The following HGFAC variants were observed in gnomAD, a reference collection of about 807,000 sequenced individuals.
HGFAC encodes HGF activator.
A neutral mutation model predicts 70.6 loss-of-function variants in HGFAC; 76 were observed. That is an observed-to-expected ratio of 1.08 (90% CI 0.89 to 1.30). HGFAC has a LOEUF of 1.30. HGFAC is among the 50% of genes most tolerant of loss of function. HGFAC has a pLI of 0.00. For missense variants in HGFAC, 1,044 were observed against 933.7 expected, an observed-to-expected ratio of 1.12 and a Z score of -1.54; for synonymous variants, 464 against 405.3, an observed-to-expected ratio of 1.14 and a Z score of -1.74.
rs773163201 is a variant in HGFAC, at chr4:3,444,848, G to C, written c.871G>C (p.Gly291Arg). The part of the protein sequence containing the change: ...EPDERCFLGN[G>R]TGYRGVASTS... Reference sequence around the variant, plus strand: ...TGATGAGCGCTGCTTCTTGGGGAACGGCACTGGGTACCGTGGCGTGGCCAG... The same window carrying C: ...TGATGAGCGCTGCTTCTTGGGGAACCGCACTGGGTACCGTGGCGTGGCCAG... Residue 291 changes from glycine (G) to arginine (R), a missense_variant, in exon 8 of 14, where the codon GGC becomes CGC. Physicochemically the swap from Gly to Arg is moderately radical, Grantham distance 125. Transcript: ENST00000382774. 3.4e-5 allele frequency: 55 copies of C among 1,601,570 alleles called. 1 individual carries two copies. The South Asian group carries it at 6.2e-4, about 18-fold the overall frequency.
intron 11 of HGFAC, 124 bp from the exon 12 acceptor site, chr4:3,447,771 T>C: frequency 6.6e-7 from 1 of 1,523,248 alleles, no homozygotes; most frequent in Non-Finnish European, 9.0e-7. Context: ...AGGGCACCGC[T>C]CCCTTCTGGA....
At position 3,445,050 on chromosome 4, in the gene HGFAC, G is replaced by A. The variant is rs1725454482; in HGVS notation, c.1016+57G>A. The stretch of plus-strand genomic sequence containing the variant: ...GCGGGGCAGGCAGGATTTGTCCTGG[G>A]GAGAGGCCCCCCGGCTCCCTAGGAC... On this transcript the variant is annotated intron_variant, in intron 8 of 13. Coordinates refer to ENST00000382774, the MANE Select transcript of HGFAC (RefSeq NM_001528.4). The A allele has an allele frequency of 9.5e-6, 14 of 1,481,140 alleles. No individual in the cohort carries two copies. The South Asian group carries it at 1.9e-4, about 20-fold the overall frequency. The allele number at this position is 1,481,140 out of a possible 1,614,324, so 91.7% of individuals were successfully genotyped here. A position where few individuals can be genotyped will look rare whatever the true frequency, so the allele number is the denominator to read the frequency against.
In HGFAC at chr4:3,448,172, CT is replaced by C. The variant is rs1213691866; in HGVS notation, c.1682del (p.Leu561ArgfsTer111). 3.1e-6 allele frequency: 5 copies of C among 1,601,222 alleles called. No homozygotes were observed. The highest frequency in any genetic ancestry group is 4.3e-6 in the Non-Finnish European group (5 of 1,175,326). ...SSSLREALVP[L>X]VADHKCSSPE... ...CTCCCTGCGGGAGGCCCTGGTCCCC[CT>C]GGTCGCCGACCACAAGTGCAGCAGC... On this transcript the variant is annotated frameshift_variant, in exon 13 of 14. Coordinates refer to ENST00000382774, the MANE Select transcript of HGFAC (RefSeq NM_001528.4). LOFTEE classifies it high-confidence loss of function.
At position 3,449,312 on chromosome 4, in the gene HGFAC, G is replaced by T; in HGVS notation, c.1861G>T (p.Gly621Cys). 6.2e-7 allele frequency: 1 copy of T among 1,612,280 alleles called. No individual in the cohort carries two copies. Among genetic ancestry groups the T allele is most frequent in the Non-Finnish European group, 8.5e-7 (1 of 1,179,602 alleles). ...YLYGIISWGD[G>C]CGRLHKPGVY... ...CTACGGCATCATCAGCTGGGGTGAC[G>T]GCTGCGGGCGGCTCCACAAGCCGGG... The change falls in exon 14 of 14, where the codon GGC becomes TGC. Residue 621 changes from glycine (G) to cysteine (C), a missense_variant. Coordinates refer to ENST00000382774, the MANE Select transcript of HGFAC (RefSeq NM_001528.4).
Position 3,449,236 on chromosome 4 carries a change from G to A in HGFAC, c.1786-1G>A. ...TGGCTCTGACCAACGTCTCTGCCCAGGGGGACTCAGGGGGGCCCCTGGCCT... is the reference window on the plus strand; with the variant it reads ...TGGCTCTGACCAACGTCTCTGCCCAAGGGGACTCAGGGGGGCCCCTGGCCT... On this transcript the variant is annotated splice_acceptor_variant, in intron 13 of 13. Coordinates refer to ENST00000382774, the MANE Select transcript of HGFAC (RefSeq NM_001528.4). LOFTEE classifies it high-confidence loss of function. The A allele has an allele frequency of 1.2e-6, 2 of 1,611,366 alleles. No homozygotes were observed. The highest frequency in any genetic ancestry group is 1.7e-6 in the Non-Finnish European group (2 of 1,179,154).
chr4:3,446,224 G>A lies in HGFAC; in HGVS notation c.1285G>A (p.Asp429Asn), dbSNP rs1312849727. 21 of 1,610,540 alleles carry A rather than the reference G, an allele frequency of 1.3e-5. No individual in the cohort carries two copies. The highest frequency in any genetic ancestry group is 3.3e-4 in the Middle Eastern group (2 of 6,076). ...CTGGCTGGCCGCCATCTACATCGGG[G>A]ACAGCTTCTGCGCCGGGAGCCTGGT... Reference protein sequence around the residue: ...HPWLAAIYIGDSFCAGSLVHT... With the variant: ...HPWLAAIYIGNSFCAGSLVHT... The change falls in exon 10 of 14, where the codon GAC becomes AAC. Residue 429 changes from aspartate (D) to asparagine (N), a missense_variant. Asp to Asn is a conservative substitution (Grantham distance 23, BLOSUM62 1). Transcript: ENST00000382774.
chr4:3,443,336 C>T lies in HGFAC; in HGVS notation c.396-5C>T. ...ACCCCCATGCACGCAGGTGTCGCCC[C>T]CCAGGTGTGCCACAACTCACAACTA... On this transcript the variant is annotated splice_polypyrimidine_tract_variant and splice_region_variant and intron_variant, in intron 3 of 13. Transcript: ENST00000382774. The T allele has an allele frequency of 1.3e-6, 2 of 1,542,154 alleles. No homozygotes were observed. The highest frequency in any genetic ancestry group is 1.8e-6 in the Non-Finnish European group (2 of 1,142,850).
chr4:3,446,692 G>A (rs762584991), intron 10 of HGFAC, among the ~76,000 whole-genome samples: 4 of 152,170 alleles, frequency 2.6e-5, no homozygotes, highest in African/African-American at 9.7e-5. Flanking sequence ...CAGGGAAACT[G>A]AGGCCCAGCC....
In HGFAC at chr4:3,443,479, G is replaced by A. The variant is rs572320170; in HGVS notation, c.475+59G>A. ...GGGGGCACTGGGCCAGGCCAGAAGG[G>A]CCAAGGGGAGGATGGGGCGGACCCG... On this transcript the variant is annotated intron_variant, in intron 4 of 13. Coordinates refer to ENST00000382774, the MANE Select transcript of HGFAC (RefSeq NM_001528.4). 1.5e-5 allele frequency: 17 copies of A among 1,105,726 alleles called. No homozygotes were observed. The African/African-American group carries it at 2.6e-4, about 17-fold the overall frequency. The allele number at this position is 1,105,726 out of a possible 1,614,324, so 68.5% of individuals were successfully genotyped here.
At position 3,446,235 on chromosome 4, in the gene HGFAC, C is replaced by T. The variant is rs147108551; in HGVS notation, c.1296C>T (p.Cys432=). The change falls in exon 10 of 14, where the codon TGC becomes TGT. Residue 432 remains cysteine, a synonymous_variant. Transcript: ENST00000382774. The part of the protein sequence containing the change: ...LAAIYIGDSF[C]AGSLVHTCWV... ...CCATCTACATCGGGGACAGCTTCTGCGCCGGGAGCCTGGTCCACACCTGCT... is the reference window on the plus strand; with the variant it reads ...CCATCTACATCGGGGACAGCTTCTGTGCCGGGAGCCTGGTCCACACCTGCT... The T allele has an allele frequency of 1.5e-3, 2,420 of 1,610,702 alleles. 38 individuals carry two copies. In the East Asian group the frequency reaches 0.037, roughly 25 times the overall value.
In HGFAC at chr4:3,449,351, G is replaced by A. The variant is rs559231140; in HGVS notation, c.1900G>A (p.Val634Met). 8.2e-4 allele frequency: 1,316 copies of A among 1,610,828 alleles called. 16 individuals carry two copies. In the South Asian group the frequency reaches 0.012, roughly 15 times the overall value. The stretch of plus-strand genomic sequence containing the variant: ...CCACAAGCCGGGGGTCTACACCCGC[G>A]TGGCCAACTATGTGGACTGGATCAA... Reference protein sequence around the residue: ...RLHKPGVYTRVANYVDWINDR... With the variant: ...RLHKPGVYTRMANYVDWINDR... Residue 634 changes from valine to methionine, a missense_variant, in exon 14 of 14, where the codon GTG (valine) becomes ATG (methionine). Val to Met is a conservative substitution (Grantham distance 21). Transcript: ENST00000382774.
chr4:3,445,354 C>T lies in HGFAC; in HGVS notation c.1102+4C>T, dbSNP rs778102933. On this transcript the variant is annotated splice_donor_region_variant and intron_variant, in intron 9 of 13. Transcript: ENST00000382774. ...TACTGCCGCCTGGAGGCCTGCGGTG[C>T]GCGGCTGGCGGGGGGTGCTGCCTTG... 2.1e-5 allele frequency: 33 copies of T among 1,561,174 alleles called. No homozygotes were observed. The highest frequency in any genetic ancestry group is 1.8e-4 in the Middle Eastern group (1 of 5,688).
chr4:3,443,008 G>A (rs761285110), intron 2 of HGFAC, 42 bp from the exon 3 acceptor site: 25 of 1,542,206 alleles, frequency 1.6e-5, no homozygotes, highest in Non-Finnish European at 2.0e-5. Flanking sequence ...GGGCTCGGGT[G>A]CCCCTCGAGG....
At chr4:3,448,094 G>C (rs766939219) in intron 12 of HGFAC, 34 bp from the exon 13 acceptor site, 2 of 1,568,084 alleles carry the variant, frequency 1.3e-6, no homozygotes, top group South Asian at 1.2e-5. Flanking sequence ...CAGCCACAGT[G>C]TGGGTGTCAC....
rs377488836 is a variant in HGFAC, at chr4:3,444,464, G to A, written c.730+22G>A. ...ACAGGTGCGCCACGGGGTGTGAGCC[G>A]TGCCACTGACCCCTGACGGGTGTCC... On this transcript the variant is annotated intron_variant, in intron 6 of 13. Transcript: ENST00000382774. The A allele has an allele frequency of 2.4e-4, 379 of 1,570,248 alleles. 2 individuals carry two copies. Among genetic ancestry groups the A allele is most frequent in the Middle Eastern group, 4.0e-4 (2 of 5,052 alleles).
chr4:3,443,185 C>T, intron 3 of HGFAC, 39 bp downstream of exon 3: 5 of 1,381,706 alleles, frequency 3.6e-6, no homozygotes, highest in Non-Finnish European at 4.9e-6. Flanking sequence ...CTGGGGTCAC[C>T]TGCCCCACGC....
rs1560195448 is a variant in HGFAC, at chr4:3,449,244, CA to C, written c.1794del (p.Leu602TrpfsTer70). ...ACCAACGTCTCTGCCCAGGGGGACT[CA>C]GGGGGGCCCCTGGCCTGCGAGAAGA... ...DCKSDACQGD[S>X]GGPLACEKNG... On this transcript the variant is annotated frameshift_variant, in exon 14 of 14. Transcript: ENST00000382774. LOFTEE classifies it low-confidence loss of function (END_TRUNC). 8 of 1,611,668 alleles carry C rather than the reference CA, an allele frequency of 5.0e-6. No homozygotes were observed. The highest frequency in any genetic ancestry group is 1.3e-5 in the African/African-American group (1 of 74,868).
In HGFAC at chr4:3,444,374, G is replaced by A. The variant is rs369335941; in HGVS notation, c.662G>A (p.Arg221His). 2.7e-5 allele frequency: 44 copies of A among 1,603,102 alleles called. No individual in the cohort carries two copies. The highest frequency in any genetic ancestry group is 6.7e-5 in the African/African-American group (5 of 74,844). ...GGGGGCGACCGCTGGGCCCGCGTGC[G>A]CCAGGGCCACGTGGAACAGTGCGAG... is the stretch of plus-strand genomic sequence containing the variant. ...LEGGDRWARV[R>H]QGHVEQCECF... Residue 221 changes from arginine to histidine, a missense_variant, in exon 6 of 14, where the codon CGC (arginine) becomes CAC (histidine). Physicochemically the swap from Arg to His is conservative, Grantham distance 29. Transcript: ENST00000382774.
intron 8 of HGFAC, 129 bp downstream of exon 8, chr4:3,445,122 G>A: frequency 7.5e-7 from 1 of 1,331,576 alleles, no homozygotes; most frequent in Non-Finnish European, 1.0e-6. Flanking sequence ...ACCTCTGCCT[G>A]GGAGGCTGCC....
Sources: allele counts gnomAD v4.1 joint callset (sites outside exome capture counted in the v4.1 genomes callset), GRCh38; gene constraint gnomAD v4.1.1; transcripts MANE v1.5; gene names NCBI Gene and HGNC (gene_info 2026-07-23, HGNC 2026-07-21).